The following NBAS variants were observed in gnomAD, a reference collection of about 807,000 sequenced individuals.
NBAS encodes the protein NBAS subunit of NRZ tethering complex.
In NBAS, 219 loss-of-function variants were observed where a neutral mutation model predicts 302.5. The ratio of observed to expected loss-of-function variants is 0.72; its 90% CI spans 0.65 to 0.81. The LOEUF (loss-of-function observed/expected upper bound fraction) is 0.81, where lower values mean the gene tolerates loss of function less well. Among genes scored for constraint, NBAS ranks in the 30% least tolerant of loss-of-function variants. The pLI is 0.00. For missense variants in NBAS, 2,932 were observed against 2,841.6 expected, an observed-to-expected ratio of 1.03 and a Z score of -0.72; for synonymous variants, 1,118 against 1,021.6, an observed-to-expected ratio of 1.09 and a Z score of -1.80.
At chr2:15,492,631 A>AT (rs1348513160) in intron 11 of NBAS, among the ~76,000 whole-genome samples, 1 of 151,818 alleles carries the variant, frequency 6.6e-6, no homozygotes, top group Non-Finnish European at 1.5e-5. Flanking sequence ...TAACTTTTGT[A>AT]TTTTTTGTAG....
chr2:15,396,327 G>C, intron 27 of NBAS, 86 bp downstream of exon 27: 1 of 1,084,808 alleles, frequency 9.2e-7, no homozygotes, highest in Non-Finnish European at 1.3e-6. Flanking sequence ...TAGAAACGAT[G>C]ACTCACAGGC....
chr2:15,492,996 T>C (rs1023237232), intron 11 of NBAS, among the ~76,000 whole-genome samples: 2 of 152,208 alleles, frequency 1.3e-5, no homozygotes, highest in African/African-American at 4.8e-5. Flanking sequence ...AATCCCCATG[T>C]GTCAGGGGAG....
intron 50 of NBAS, among the ~76,000 whole-genome samples, chr2:15,183,358 A>G (rs1368472189): frequency 1.3e-5 from 2 of 152,220 alleles, no homozygotes; most frequent in African/African-American, 4.8e-5. Flanking sequence ...AAACGATGGA[A>G]AGTCACGGTG....
chr2:15,148,085 A>C, the NBAS span, among the ~76,000 whole-genome samples: 1 of 152,144 alleles, frequency 6.6e-6, no homozygotes, highest in South Asian at 2.1e-4. Context: ...ACCCCCAAAC[A>C]TGTTCCCTGA....
intron 11 of NBAS, among the ~76,000 whole-genome samples, chr2:15,493,042 A>AT (rs1680930219): frequency 1.3e-5 from 2 of 152,026 alleles, no homozygotes; most frequent in South Asian, 4.2e-4. Context: ...ATGGGGACAG[A>AT]TTTTCCCCAT....
chr2:15,466,494 A>G (rs11893253), intron 19 of NBAS, among the ~76,000 whole-genome samples: 76,945 of 152,018 alleles, frequency 0.51, 22,981 homozygotes, highest in Non-Finnish European at 0.67. Flanking sequence ...CTTAAACTAC[A>G]GAGTGCTACT....
chr2:15,140,244 A>G, the NBAS span, among the ~76,000 whole-genome samples: 10,423 of 152,284 alleles, frequency 0.068, 1,004 homozygotes, highest in African/African-American at 0.21. Context: ...TCTAGCTTCC[A>G]GTTGTCAAGT....
At chr2:15,187,305 T>C (rs371770513) in intron 49 of NBAS, among the ~76,000 whole-genome samples, 1 of 152,330 alleles carries the variant, frequency 6.6e-6, no homozygotes, top group East Asian at 1.9e-4. Flanking sequence ...GAATGATGTA[T>C]GTAATTGTGA....
the NBAS span, among the ~76,000 whole-genome samples, chr2:14,973,949 T>TC: frequency 6.6e-6 from 1 of 152,142 alleles, no homozygotes; most frequent in Non-Finnish European, 1.5e-5. Flanking sequence ...GAAATGCCAT[T>TC]CCCCATCTAT....
chr2:15,461,586 A>C, intron 20 of NBAS, 101 bp downstream of exon 20: 1 of 805,438 alleles, frequency 1.2e-6, no homozygotes, highest in Non-Finnish European at 2.0e-6. Context: ...TAAAACAAAA[A>C]AGAAAATGTA....
At chr2:15,553,007 G>A (rs146676222) in intron 5 of NBAS, among the ~76,000 whole-genome samples, 9,384 of 152,088 alleles carry the variant, frequency 0.062, 899 homozygotes, top group African/African-American at 0.2. Flanking sequence ...GTTTCACCAC[G>A]TTGGCCAGGA....
At chr2:14,816,965 T>A in the NBAS span, among the ~76,000 whole-genome samples, 365 of 152,294 alleles carry the variant, frequency 2.4e-3, no homozygotes, top group African/African-American at 8.0e-3. Context: ...AAAAGTCACA[T>A]GCAGAATCCC....
At chr2:15,500,102 C>G (rs2148628963) in intron 11 of NBAS, among the ~76,000 whole-genome samples, 1 of 152,272 alleles carries the variant, frequency 6.6e-6, no homozygotes, top group Admixed American at 6.5e-5. Context: ...CTTTCCAAGA[C>G]AGGGTTTTTA....
At chr2:15,111,280 A>G in the NBAS span, among the ~76,000 whole-genome samples, 6 of 152,230 alleles carry the variant, frequency 3.9e-5, 1 homozygote, top group South Asian at 1.2e-3. Context: ...AGCACAAAGA[A>G]CTAAGAGAGC....
At chr2:15,320,176 G>A (rs1671729514) in intron 38 of NBAS, among the ~76,000 whole-genome samples, 2 of 152,070 alleles carry the variant, frequency 1.3e-5, no homozygotes, top group Non-Finnish European at 2.9e-5. Context: ...ATGCAGAAAA[G>A]GCCTTCGACA....
the NBAS span, among the ~76,000 whole-genome samples, chr2:14,791,013 G>A: frequency 6.6e-6 from 1 of 151,998 alleles, no homozygotes; most frequent in African/African-American, 2.4e-5. Flanking sequence ...GTGCCACTAC[G>A]CCCAGCTGAT....
the NBAS span, among the ~76,000 whole-genome samples, chr2:14,885,927 T>C: frequency 2.0e-4 from 31 of 152,154 alleles, no homozygotes; most frequent in Non-Finnish European, 4.1e-4. Flanking sequence ...AAAAGCCAGA[T>C]TGGCACGGAA....
chr2:15,374,594 A>C lies in NBAS; in HGVS notation c.3703+14T>G, dbSNP rs752248986. The C allele has an allele frequency of 6.3e-6, 10 of 1,593,008 alleles. No homozygotes were observed. The Admixed American group carries it at 1.2e-4, about 19-fold the overall frequency. On this transcript the variant is annotated intron_variant, in intron 31 of 51. Coordinates refer to ENST00000281513, the MANE Select transcript of NBAS (RefSeq NM_015909.4). ...ATAAGTTAGTAACAATGCAACAGTAAGTAGAAAACTCACCTTGCAAAGGCA... is the reference window on the plus strand; with the variant it reads ...ATAAGTTAGTAACAATGCAACAGTACGTAGAAAACTCACCTTGCAAAGGCA...
the NBAS span, among the ~76,000 whole-genome samples, chr2:14,966,680 C>T: frequency 0.28 from 42,912 of 152,114 alleles, 7,339 homozygotes; most frequent in African/African-American, 0.48. Flanking sequence ...TTCAGCCCCA[C>T]CTTCAAAAAT....
Sources: allele counts gnomAD v4.1 joint callset (sites outside exome capture counted in the v4.1 genomes callset), GRCh38; gene constraint gnomAD v4.1.1; transcripts MANE v1.5; gene names NCBI Gene and HGNC (gene_info 2026-07-23, HGNC 2026-07-21).